CRYBG1: variants seen among roughly 807,000 people sequenced by gnomAD.
CRYBG1 encodes crystallin beta-gamma domain containing 1, also known as beta/gamma crystallin domain-containing protein 1.
Under a neutral mutation model 189.2 loss-of-function variants are expected in CRYBG1, and 139 were observed. The observed-to-expected ratio is 0.73, with a 90% CI of 0.64 to 0.85. CRYBG1 has a LOEUF of 0.85. Among genes scored for constraint, CRYBG1 ranks in the 40% least tolerant of loss-of-function variants. CRYBG1 has a pLI of 0.00. For synonymous variants in CRYBG1, 1,023 were observed against 1,017.1 expected (o/e 1.01, Z -0.11); for missense variants, 2,611 against 2,675.8 (o/e 0.98, Z 0.53).
intron 1 of CRYBG1, among the ~76,000 whole-genome samples, chr6:106,421,552 AG>A (rs1771122857): frequency 6.6e-6 from 1 of 152,132 alleles, no homozygotes; most frequent in African/African-American, 2.4e-5. Context: ...CCTAGAGAGT[AG>A]GGTCTCTTCA....
chr6:106,413,444 A>C (rs1770965948), intron 1 of CRYBG1, among the ~76,000 whole-genome samples: 1 of 152,290 alleles, frequency 6.6e-6, no homozygotes, highest in East Asian at 1.9e-4. Flanking sequence ...TGAGAGGCTG[A>C]GGTGGGTGGA....
In CRYBG1 at chr6:106,519,452, T is replaced by A. The variant is rs1562100536; in HGVS notation, c.2244T>A (p.Ala748=). 4.3e-6 allele frequency: 7 copies of A among 1,614,078 alleles called. No individual in the cohort carries two copies. Among genetic ancestry groups the A allele is most frequent in the Non-Finnish European group, 5.9e-6 (7 of 1,180,024 alleles). The change falls in exon 4 of 22, where the codon GCT becomes GCA. Residue 748 remains alanine (A), a synonymous_variant. Coordinates refer to ENST00000633556, the MANE Select transcript of CRYBG1 (RefSeq NM_001371242.2). The part of the protein sequence containing the change: ...PQNGVLVKET[A]IETKVTVSEE... The stretch of plus-strand genomic sequence containing the variant: ...ATGGTGTGCTGGTTAAGGAAACTGC[T>A]ATAGAAACCAAAGTTACCGTCTCGG...
chr6:106,552,346 G>A, intron 15 of CRYBG1, 130 bp downstream of exon 15: 2 of 586,420 alleles, frequency 3.4e-6, no homozygotes, highest in Non-Finnish European at 5.6e-6. Context: ...AGCACTTTGG[G>A]AGGTCAAGGC....
intron 4 of CRYBG1, among the ~76,000 whole-genome samples, chr6:106,521,709 A>ATTT (rs1430149241): frequency 1.1e-4 from 9 of 82,238 alleles, no homozygotes; most frequent in African/African-American, 3.3e-4. Context: ...AAGGCACATG[A>ATTT]TCTTTTTTTT....
Position 106,519,745 on chromosome 6 carries a change from AT to A in CRYBG1, c.2540del (p.Leu847TyrfsTer48). Reference protein sequence around the residue: ...QDIPTTVDTKDLPPTAMPKPQ... With the variant: ...QDIPTTVDTKXLPPTAMPKPQ... ...ATCCCCACCACTGTGGATACCAAAG[AT>A]TTACCTCCAACGGCCATGCCAAAGC... On this transcript the variant is annotated frameshift_variant, in exon 4 of 22. Coordinates refer to ENST00000633556, the MANE Select transcript of CRYBG1 (RefSeq NM_001371242.2). LOFTEE classifies it high-confidence loss of function. The A allele has an allele frequency of 6.2e-7, 1 of 1,614,092 alleles. No individual in the cohort carries two copies. Among genetic ancestry groups the A allele is most frequent in the East Asian group, 2.2e-5 (1 of 44,882 alleles).
At position 106,464,636 on chromosome 6, in the gene CRYBG1, C is replaced by T. The variant is rs556837510; in HGVS notation, c.312+12804C>T. 1.2e-4 allele frequency among the ~76,000 whole-genome samples: 19 copies of T among 152,290 alleles called. No homozygotes were observed. In the South Asian group the frequency reaches 3.7e-3, roughly 30 times the overall value. The stretch of plus-strand genomic sequence containing the variant: ...ACTTAGAAAATGAGAGAATTAGGGA[C>T]TGTTCTGAGCATTGATGCTATAACT... On this transcript the variant is annotated intron_variant, in intron 2 of 21. Transcript: ENST00000633556.
At position 106,521,385 on chromosome 6, in the gene CRYBG1, G is replaced by C; in HGVS notation, c.4177G>C (p.Gly1393Arg). 1.2e-6 allele frequency: 2 copies of C among 1,612,264 alleles called. No homozygotes were observed. Among genetic ancestry groups the C allele is most frequent in the Non-Finnish European group, 1.7e-6 (2 of 1,179,556 alleles). The change falls in exon 4 of 22, where the codon GGT (glycine) becomes CGT (arginine). Residue 1393 changes from glycine (G) to arginine (R), a missense_variant. This residue lies in a region of CRYBG1 where 1,622 missense variants were observed against 1,735.0 expected (regional missense o/e 0.93). Transcript: ENST00000633556. The stretch of plus-strand genomic sequence containing the variant: ...TGCAAACAGTGACACCGACTTCATG[G>C]GTCTTTTCAAATCAAGCCGGTATGA... ...NCANSDTDFM[G>R]LFKSSRYDPS... is the part of the protein sequence containing the mutation.
At chr6:106,410,696 T>A (rs187142070) in intron 1 of CRYBG1, among the ~76,000 whole-genome samples, 89 of 151,682 alleles carry the variant, frequency 5.9e-4, no homozygotes, top group Non-Finnish European at 1.0e-3. Flanking sequence ...GCAGGATGGG[T>A]TCATGTTTTT....
rs1432237727 is a variant in CRYBG1, at chr6:106,392,800, G to A, written c.173+31719G>A. ...TTTTTTTTTGAGACAGAGTTTTGCT[G>A]TATTGCACAGGCTGGAGTGGCTGGA... On this transcript the variant is annotated intron_variant, in intron 1 of 21. Transcript: ENST00000633556. 2.0e-5 allele frequency among the ~76,000 whole-genome samples: 3 copies of A among 151,930 alleles called. No homozygotes were observed. In the East Asian group the frequency reaches 5.8e-4, roughly 29 times the overall value.
At chr6:106,475,962 T>A (rs902130402) in intron 2 of CRYBG1, among the ~76,000 whole-genome samples, 1 of 152,192 alleles carries the variant, frequency 6.6e-6, no homozygotes, top group African/African-American at 2.4e-5. Flanking sequence ...AAATGATAGA[T>A]GATGAGACAG....
intron 1 of CRYBG1, among the ~76,000 whole-genome samples, chr6:106,399,311 A>G (rs1770673070): frequency 6.6e-6 from 1 of 152,078 alleles, no homozygotes; most frequent in African/African-American, 2.4e-5. Flanking sequence ...TCAACTTTCC[A>G]CCCTTTAATC....
rs570245352 is a variant in CRYBG1, at chr6:106,511,559, C to T, written c.442C>T (p.Pro148Ser). ...GAGTCCCACCAGATCAAATGCCAAA[C>T]CACTCTCTCCCAAAGATGTGGTAGC... ...LESPTRSNAK[P>S]LSPKDVVASP... is the part of the protein sequence containing the mutation. Residue 148 changes from proline (P) to serine (S), a missense_variant, in exon 3 of 22, where the codon CCA becomes TCA. Coordinates refer to ENST00000633556, the MANE Select transcript of CRYBG1 (RefSeq NM_001371242.2). 412 of 1,535,808 alleles carry T rather than the reference C, an allele frequency of 2.7e-4. 1 individual carries two copies. The African/African-American group carries it at 5.2e-3, about 19-fold the overall frequency.
At chr6:106,522,516 G>C (rs923553186) in intron 4 of CRYBG1, among the ~76,000 whole-genome samples, 3 of 152,142 alleles carry the variant, frequency 2.0e-5, no homozygotes, top group African/African-American at 7.2e-5. Flanking sequence ...CTCGGTTTTT[G>C]ATGTGAATTG....
chr6:106,390,342 T>C (rs1770478160), intron 1 of CRYBG1, among the ~76,000 whole-genome samples: 1 of 152,108 alleles, frequency 6.6e-6, no homozygotes, highest in East Asian at 1.9e-4. Flanking sequence ...TCACATTGTC[T>C]AAAGCAGTGA....
chr6:106,525,453 G>C, intron 6 of CRYBG1, 67 bp downstream of exon 6: 1 of 1,222,796 alleles, frequency 8.2e-7, no homozygotes, highest in Non-Finnish European at 1.2e-6. Flanking sequence ...TAACTTTTTA[G>C]TCCTCACTAC....
intron 1 of CRYBG1, among the ~76,000 whole-genome samples, chr6:106,404,456 A>G (rs1770777915): frequency 6.6e-6 from 1 of 152,240 alleles, no homozygotes; most frequent in Non-Finnish European, 1.5e-5. Context: ...TCAGGAATCT[A>G]GTAACATAAT....
intron 2 of CRYBG1, among the ~76,000 whole-genome samples, chr6:106,458,706 C>A (rs1313290085): frequency 2.0e-5 from 3 of 151,994 alleles, no homozygotes; most frequent in Non-Finnish European, 4.4e-5. Context: ...GAAATCTCAC[C>A]AAATACAAAC....
At chr6:106,482,601 C>T (rs947032581) in intron 2 of CRYBG1, among the ~76,000 whole-genome samples, 1 of 151,996 alleles carries the variant, frequency 6.6e-6, no homozygotes, top group Non-Finnish European at 1.5e-5. Context: ...CCGTGAAACC[C>T]CGTCTCTACT....
intron 8 of CRYBG1, among the ~76,000 whole-genome samples, chr6:106,532,428 T>C (rs2114557891): frequency 6.6e-6 from 1 of 152,322 alleles, no homozygotes; most frequent in South Asian, 2.1e-4. Context: ...TACTCAGTAG[T>C]GAGATTGCAA....
Sources: allele counts gnomAD v4.1 joint callset (sites outside exome capture counted in the v4.1 genomes callset), GRCh38; gene constraint gnomAD v4.1.1; regional missense constraint gnomAD v4.1.1; transcripts MANE v1.5; gene names NCBI Gene and HGNC (gene_info 2026-07-23, HGNC 2026-07-21).